Variants in AFF2 observed in about 807,000 individuals in gnomAD.
AFF2 encodes ALF transcription elongation factor 2.
AFF2 carries 14 observed loss-of-function variants against 76.9 expected under a neutral mutation model. The observed-to-expected ratio is 0.18, with a 90% CI of 0.12 to 0.28. The LOEUF (loss-of-function observed/expected upper bound fraction) is 0.28. Ranked by LOEUF, AFF2 falls within the 10% of genes least tolerant of loss-of-function variation. The pLI is 1.00. For synonymous variants in AFF2, 398 were observed against 366.7 expected (o/e 1.09, Z -0.98); for missense variants, 868 against 1,001.1 (o/e 0.87, Z 1.79).
At chrX:148,835,321 G>A (rs2070507964) in intron 4 of AFF2, among the ~76,000 whole-genome samples, 1 of 110,772 alleles carries the variant, frequency 9.0e-6, no homozygotes, top group African/African-American at 3.3e-5. Flanking sequence ...CTGTTTTATT[G>A]ACTCTGGCTA....
intron 1 of AFF2, among the ~76,000 whole-genome samples, chrX:148,593,919 C>T (rs1183936238): frequency 9.0e-6 from 1 of 111,196 alleles, no homozygotes; most frequent in Non-Finnish European, 1.9e-5. Flanking sequence ...CATGTTTACT[C>T]CAGAGTCCAA....
intron 3 of AFF2, among the ~76,000 whole-genome samples, chrX:148,694,856 C>T (rs1353521958): frequency 3.0e-5 from 3 of 99,739 alleles, no homozygotes; most frequent in African/African-American, 1.1e-4. Context: ...CGCTCTGTCG[C>T]CCAGGCTGGA....
In AFF2 at chrX:148,736,223, T is replaced by C. The variant is rs186584367; in HGVS notation, c.1041+73455T>C. Among the ~76,000 whole-genome samples, 374 of 112,128 alleles carry C rather than the reference T, an allele frequency of 3.3e-3. 4 individuals are homozygous for C. The highest frequency in any genetic ancestry group is 0.011 in the African/African-American group (355 of 30,892). ...TTTCCATAGTGGCTGTACTAGTTTA[T>C]ATTCCCACCAGCAGTGTAGAAGTGT... is the stretch of plus-strand genomic sequence containing the variant. On this transcript the variant is annotated intron_variant, in intron 3 of 20. Coordinates refer to ENST00000370460, the MANE Select transcript of AFF2 (RefSeq NM_002025.4).
At chrX:148,521,374 G>GCACACACACACACACACACACA (rs781978355) in intron 1 of AFF2, among the ~76,000 whole-genome samples, 4 of 90,914 alleles carry the variant, frequency 4.4e-5, no homozygotes, top group African/African-American at 1.7e-4. Context: ...GCACGTGCAT[G>GCACACACACACACACACACACA]CACACACACA....
intron 1 of AFF2, among the ~76,000 whole-genome samples, chrX:148,614,738 TTTTCTTTCTTTC>T (rs563984440): frequency 0.015 from 838 of 55,169 alleles, 15 homozygotes; most frequent in Middle Eastern, 0.063. Context: ...TCTTTCCTTC[TTTTCTTTCTTTC>T]TTTCTTTCTT....
intron 4 of AFF2, among the ~76,000 whole-genome samples, chrX:148,832,974 G>A (rs781895835): frequency 2.7e-5 from 3 of 111,386 alleles, no homozygotes; most frequent in Non-Finnish European, 5.7e-5. Context: ...TTGAAAAATC[G>A]CCCTAATCAT....
chrX:148,505,250 G>A (rs1557232356), intron 1 of AFF2, among the ~76,000 whole-genome samples: 1 of 111,521 alleles, frequency 9.0e-6, no homozygotes, highest in Non-Finnish European at 1.9e-5. Context: ...GGTCTCCTCC[G>A]CAACTCCCCA....
chrX:148,557,726 T>G (rs2053067339), intron 1 of AFF2, among the ~76,000 whole-genome samples: 1 of 112,499 alleles, frequency 8.9e-6, no homozygotes, highest in South Asian at 3.6e-4. Flanking sequence ...AGGCATTTCC[T>G]AAATCTATTA....
intron 1 of AFF2, among the ~76,000 whole-genome samples, chrX:148,575,854 ATAT>A (rs1423616209): frequency 4.0e-4 from 43 of 108,794 alleles, no homozygotes; most frequent in African/African-American, 1.4e-3. Context: ...TAATTATCTG[ATAT>A]TATAATATTA....
intron 3 of AFF2, among the ~76,000 whole-genome samples, chrX:148,800,530 G>A (rs782440365): frequency 2.7e-5 from 3 of 111,879 alleles, no homozygotes; most frequent in Non-Finnish European, 5.6e-5. Context: ...TTTCTTTAGG[G>A]CGAGGGATTG....
intron 7 of AFF2, among the ~76,000 whole-genome samples, chrX:148,860,867 A>AT (rs1462055247): frequency 8.9e-6 from 1 of 111,754 alleles, no homozygotes; most frequent in Non-Finnish European, 1.9e-5. Context: ...GAGTAAACAC[A>AT]TTTTTTTAAC....
At chrX:148,662,871 GCTGTAT>G in intron 3 of AFF2, 103 bp downstream of exon 3, 3 of 892,543 alleles carry the variant, frequency 3.4e-6, no homozygotes, top group Non-Finnish European at 4.6e-6. Context: ...ACCTTAATGA[GCTGTAT>G]AGGATACTCT....
intron 16 of AFF2, among the ~76,000 whole-genome samples, chrX:148,975,732 C>T (rs1365289093): frequency 1.9e-5 from 2 of 106,526 alleles, no homozygotes; most frequent in African/African-American, 3.4e-5. Context: ...ATCACGAGGT[C>T]AGGAGATCGA....
At chrX:148,742,513 T>G (rs1254288882) in intron 3 of AFF2, among the ~76,000 whole-genome samples, 1 of 111,839 alleles carries the variant, frequency 8.9e-6, no homozygotes. Flanking sequence ...TGTAAGCATT[T>G]CAGTTTTAGT....
At chrX:148,856,045 T>G (rs1156326653) in intron 7 of AFF2, among the ~76,000 whole-genome samples, 1 of 111,596 alleles carries the variant, frequency 9.0e-6, no homozygotes, top group Non-Finnish European at 1.9e-5. Context: ...AGGTCTCCAG[T>G]TGGAGAAAGA....
At chrX:148,952,026 C>T (rs782688738) in intron 9 of AFF2, among the ~76,000 whole-genome samples, 4 of 112,120 alleles carry the variant, frequency 3.6e-5, no homozygotes, top group Admixed American at 9.4e-5. Flanking sequence ...TAAGGACACA[C>T]GGCACAGGAA....
chrX:148,840,892 C>T (rs1364844892), intron 5 of AFF2, among the ~76,000 whole-genome samples: 1 of 112,083 alleles, frequency 8.9e-6, no homozygotes, highest in Admixed American at 9.5e-5. Flanking sequence ...TAAACATTTA[C>T]ACCTACTATG....
At chrX:148,661,454 C>G (rs1483131715) in intron 2 of AFF2, among the ~76,000 whole-genome samples, 1 of 111,785 alleles carries the variant, frequency 8.9e-6, no homozygotes, top group African/African-American at 3.3e-5. Context: ...ATAGCCTAAG[C>G]CTTTTTCATG....
At chrX:148,978,861 C>T (rs2072358297) in intron 18 of AFF2, among the ~76,000 whole-genome samples, 1 of 111,904 alleles carries the variant, frequency 8.9e-6, no homozygotes, top group African/African-American at 3.3e-5. Flanking sequence ...GCTCTATGTG[C>T]ACGTCCACAA....
Sources: gnomAD v4.1 joint callset for allele counts (sites outside exome capture counted in the v4.1 genomes callset) on GRCh38, gnomAD v4.1.1 for gene constraint, MANE v1.5 for transcripts, NCBI Gene and HGNC (gene_info 2026-07-23, HGNC 2026-07-21) for gene names.